Variants in ZFHX3 observed in about 807,000 individuals in gnomAD.
ZFHX3 encodes zinc finger homeobox 3, also known as zinc finger homeobox protein 3.
Under a neutral mutation model 279.1 loss-of-function variants are expected in ZFHX3, and 42 were observed. The observed-to-expected ratio is 0.15, with a 90% CI of 0.12 to 0.19. ZFHX3 has a LOEUF of 0.19. Among genes scored for constraint, ZFHX3 ranks in the 10% least tolerant of loss-of-function variants. The pLI, the probability that ZFHX3 is intolerant of heterozygous loss-of-function variation, is 1.00. For synonymous variants in ZFHX3, 2,293 were observed against 1,957.8 expected (o/e 1.17, Z -4.52); for missense variants, 4,981 against 4,754.0 (o/e 1.05, Z -1.40).
intron 4 of ZFHX3, among the ~76,000 whole-genome samples, chr16:73,310,893 C>G (rs753625823): frequency 5.9e-5 from 9 of 152,156 alleles, no homozygotes; most frequent in Non-Finnish European, 1.2e-4. Flanking sequence ...TGTATACATG[C>G]AATCCCAATT....
chr16:72,787,712 C>G lies in ZFHX3; in HGVS notation c.10564G>C (p.Gly3522Arg), dbSNP rs762505281. The change falls in exon 10 of 10, where the codon GGC becomes CGC. Residue 3522 changes from glycine (G) to arginine (R), a missense_variant. By Grantham distance (125) the Gly-to-Arg change is moderately radical. Around this residue, in one of 7 missense-constraint regions of ZFHX3, gnomAD observed 1,034 missense variants for 786.0 expected, o/e 1.32. Transcript: ENST00000268489. ...GSGGGGGGGG[G>R]GGGGGSYHCL... ...TGGTACGAGCCGCCGCCGCCGCCGC[C>G]GCCGCCACCGCCGCCGCCGCCGCCA... is the stretch of plus-strand genomic sequence containing the variant. 5 of 1,383,674 alleles carry G rather than the reference C, an allele frequency of 3.6e-6. No homozygotes were observed. In the Admixed American group the frequency reaches 1.3e-4, roughly 35 times the overall value. 85.7% of individuals were successfully genotyped at this position (1,383,674 alleles called of 1,614,324 possible). A position where few individuals can be genotyped will look rare whatever the true frequency, so the allele number is the denominator to read the frequency against.
intron 1 of ZFHX3, among the ~76,000 whole-genome samples, chr16:73,798,582 G>GACACACAC (rs10531772): frequency 6.6e-6 from 1 of 150,752 alleles, no homozygotes; most frequent in Non-Finnish European, 1.5e-5. Flanking sequence ...CACACACACA[G>GACACACAC]ACACACACAC....
chr16:73,349,245 G>A (rs184439013), intron 3 of ZFHX3, among the ~76,000 whole-genome samples: 100 of 152,206 alleles, frequency 6.6e-4, no homozygotes, highest in African/African-American at 2.3e-3. Flanking sequence ...AACAATCCCC[G>A]GGAATTCCCC....
chr16:73,571,207 T>G (rs886320883), intron 2 of ZFHX3, among the ~76,000 whole-genome samples: 2 of 149,870 alleles, frequency 1.3e-5, no homozygotes, highest in South Asian at 2.1e-4. Context: ...TGATAGAAAT[T>G]AAACATTACT....
At chr16:73,723,320 G>T (rs576378383) in intron 1 of ZFHX3, among the ~76,000 whole-genome samples, 2 of 152,182 alleles carry the variant, frequency 1.3e-5, no homozygotes, top group Admixed American at 6.5e-5. Context: ...TCAGAAGGTA[G>T]ATTCTTCAGC....
intron 3 of ZFHX3, among the ~76,000 whole-genome samples, chr16:73,436,080 AAC>A (rs2017992952): frequency 1.3e-5 from 2 of 152,218 alleles, no homozygotes. Context: ...CTGTAATCTC[AAC>A]ACTTTGGGAG....
intron 1 of ZFHX3, among the ~76,000 whole-genome samples, chr16:73,886,690 G>T (rs1363373797): frequency 6.6e-6 from 1 of 152,208 alleles, no homozygotes; most frequent in Non-Finnish European, 1.5e-5. Flanking sequence ...TGAGGAGAAT[G>T]TATCAATTGT....
At chr16:73,317,285 T>TG (rs1177879216) in intron 4 of ZFHX3, among the ~76,000 whole-genome samples, 1 of 29,470 alleles carries the variant, frequency 3.4e-5, no homozygotes, top group African/African-American at 1.4e-4. Flanking sequence ...GGGGGTGGGG[T>TG]GGGGGTGGCG....
rs1189865385 is a variant in ZFHX3, at chr16:73,145,314, T to C, written c.-1103-1483A>G. Among the ~76,000 whole-genome samples, 21 of 152,252 alleles carry C rather than the reference T, an allele frequency of 1.4e-4. No individual in the cohort carries two copies. The East Asian group carries it at 4.1e-3, about 29-fold the overall frequency. On this transcript the variant is annotated intron_variant, in intron 5 of 17. Coordinates refer to the ZFHX3 transcript ENST00000641206. The stretch of plus-strand genomic sequence containing the variant: ...GTCAGGGGTCAGGGTGTAGCCAATG[T>C]CAGGGTCCAATGCCAGGGGCCAATG...
intron 7 of ZFHX3, among the ~76,000 whole-genome samples, chr16:73,100,670 C>T (rs1966220055): frequency 6.6e-6 from 1 of 151,772 alleles, no homozygotes; most frequent in South Asian, 2.1e-4. Flanking sequence ...ACCTCTGCCT[C>T]CTGGGTAATT....
At chr16:73,774,742 G>A (rs532971144) in intron 1 of ZFHX3, among the ~76,000 whole-genome samples, 1 of 152,226 alleles carries the variant, frequency 6.6e-6, no homozygotes, top group East Asian at 1.9e-4. Flanking sequence ...GTCAGACAAC[G>A]GTGGTTTTCT....
chr16:72,783,295 C>A lies in ZFHX3; in HGVS notation c.*3869G>T, dbSNP rs3751849. On this transcript the variant is annotated 3_prime_UTR_variant, in exon 10 of 10. Transcript: ENST00000268489. ...CCTACCCAAACTTGCCCCCCTCCCCCCTGAAGAAAGTAAACAAACAAAAAA... is the reference window on the plus strand; with the variant it reads ...CCTACCCAAACTTGCCCCCCTCCCCACTGAAGAAAGTAAACAAACAAAAAA... The A allele has an allele frequency of 2.0e-5, 3 of 152,264 alleles. No individual in the cohort carries two copies. The highest frequency in any genetic ancestry group is 2.1e-4 in the South Asian group (1 of 4,786). 9.4% of individuals were successfully genotyped at this position (152,264 alleles called of 1,614,324 possible).
chr16:72,941,779 T>G (rs1250825679), intron 3 of ZFHX3, among the ~76,000 whole-genome samples: 3 of 152,238 alleles, frequency 2.0e-5, no homozygotes, highest in African/African-American at 7.2e-5. Context: ...CACCCTAATG[T>G]TGCTAGTTTC....
In ZFHX3 at chr16:73,336,403, G is replaced by T. The variant is rs903758788; in HGVS notation, c.-1290-18067C>A. Among the ~76,000 whole-genome samples, 79 of 123,662 alleles carry T rather than the reference G, an allele frequency of 6.4e-4. 2 individuals carry two copies. Among genetic ancestry groups the T allele is most frequent in the African/African-American group, 2.5e-3 (76 of 30,838 alleles). The allele number at this position is 123,662 out of a possible 152,430, so 81.1% of individuals were successfully genotyped here. On this transcript the variant is annotated intron_variant, in intron 3 of 17. Coordinates refer to the ZFHX3 transcript ENST00000641206. Reference sequence around the variant, plus strand: ...CCCTCCTCCCACCCCCCACCCTCAGGGAGGCCCCTGTGTCTATTGTTCCCT... The same window carrying T: ...CCCTCCTCCCACCCCCCACCCTCAGTGAGGCCCCTGTGTCTATTGTTCCCT...
At chr16:72,945,448 G>A (rs559527257) in intron 3 of ZFHX3, among the ~76,000 whole-genome samples, 2 of 152,218 alleles carry the variant, frequency 1.3e-5, no homozygotes, top group East Asian at 3.9e-4. Flanking sequence ...AGAGACCCAC[G>A]TCCCACCAGC....
chr16:73,147,395 A>C (rs549529348), intron 5 of ZFHX3, among the ~76,000 whole-genome samples: 1 of 151,920 alleles, frequency 6.6e-6, no homozygotes, highest in African/African-American at 2.4e-5. Context: ...AAATAAAAAT[A>C]AGAATAAAAA....
At chr16:72,937,391 C>T (rs1452176332) in intron 3 of ZFHX3, among the ~76,000 whole-genome samples, 2 of 152,156 alleles carry the variant, frequency 1.3e-5, no homozygotes, top group Non-Finnish European at 1.5e-5. Context: ...GTGGCAAAGG[C>T]GGCTGAAAGG....
chr16:73,258,295 A>T (rs551067227), intron 4 of ZFHX3, among the ~76,000 whole-genome samples: 1 of 151,688 alleles, frequency 6.6e-6, no homozygotes. Context: ...GAATTATTTG[A>T]CTTCAAGGCT....
intron 2 of ZFHX3, among the ~76,000 whole-genome samples, chr16:73,560,383 A>G (rs2020351850): frequency 6.6e-6 from 1 of 152,204 alleles, no homozygotes; most frequent in Non-Finnish European, 1.5e-5. Context: ...TCAGAAGTCG[A>G]CGCCATTTTA....
Sources: allele counts gnomAD v4.1 joint callset (sites outside exome capture counted in the v4.1 genomes callset), GRCh38; gene constraint gnomAD v4.1.1; regional missense constraint gnomAD v4.1.1; transcripts MANE v1.5; gene names NCBI Gene and HGNC (gene_info 2026-07-23, HGNC 2026-07-21).